SMYD4: variants seen among roughly 807,000 people sequenced by gnomAD.
SMYD4 encodes the protein SET and MYND domain containing 4, also known as protein-lysine N-methyltransferase SMYD4.
SMYD4 carries 68 observed loss-of-function variants against 72.8 expected under a neutral mutation model. The observed-to-expected ratio is 0.93, with a 90% CI of 0.77 to 1.14. SMYD4 has a LOEUF of 1.14. Among genes scored for constraint, SMYD4 ranks in the 50% most tolerant of loss-of-function variants. SMYD4 has a pLI of 0.00. For synonymous variants in SMYD4, 407 were observed against 388.6 expected, an observed-to-expected ratio of 1.05 and a Z score of -0.56; for missense variants, 984 against 1,003.7, an observed-to-expected ratio of 0.98 and a Z score of 0.27.
chr17:1,799,191 A>AG (rs1909568352), intron 5 of SMYD4, among the ~76,000 whole-genome samples: 1 of 148,140 alleles, frequency 6.8e-6, no homozygotes, highest in South Asian at 2.2e-4. Context: ...CCTGGGAGGC[A>AG]GAGCTTGCAG....
At chr17:1,795,747 G>GTTGTTTTTTT (rs1555575984) in intron 5 of SMYD4, among the ~76,000 whole-genome samples, 1 of 128,468 alleles carries the variant, frequency 7.8e-6, no homozygotes, top group Non-Finnish European at 1.6e-5. Context: ...TGGCCCGTGA[G>GTTGTTTTTTT]TTTTTTTTTT....
At chr17:1,820,196 T>C (rs1382850971) in intron 2 of SMYD4, among the ~76,000 whole-genome samples, 1 of 152,192 alleles carries the variant, frequency 6.6e-6, no homozygotes, top group South Asian at 2.1e-4. Flanking sequence ...GGTCAAATTA[T>C]GCTAATATTG....
intron 7 of SMYD4, among the ~76,000 whole-genome samples, chr17:1,785,661 G>C (rs1297147641): frequency 3.3e-5 from 5 of 151,680 alleles, no homozygotes; most frequent in African/African-American, 9.7e-5. Context: ...TGGGGAGGCT[G>C]AGGCAGGAGA....
intron 7 of SMYD4, chr17:1,784,721 C>T (rs1368620502): frequency 3.5e-6 from 1 of 283,262 alleles, no homozygotes; most frequent in African/African-American, 2.3e-5. Context: ...CAATTTCTTT[C>T]CACTTCTATA....
intron 3 of SMYD4, among the ~76,000 whole-genome samples, chr17:1,807,610 G>A (rs1910111575): frequency 6.6e-6 from 1 of 152,072 alleles, no homozygotes; most frequent in Admixed American, 6.6e-5. Context: ...TGATCCACCT[G>A]CCTCAGCCTC....
At chr17:1,816,557 T>C (rs1374771423) in intron 2 of SMYD4, among the ~76,000 whole-genome samples, 1 of 151,292 alleles carries the variant, frequency 6.6e-6, no homozygotes, top group African/African-American at 2.4e-5. Flanking sequence ...GAGGCGGAGG[T>C]TGCAGTGAGC....
At chr17:1,815,953 G>C (rs1213558467) in intron 2 of SMYD4, among the ~76,000 whole-genome samples, 1 of 152,196 alleles carries the variant, frequency 6.6e-6, no homozygotes, top group Non-Finnish European at 1.5e-5. Flanking sequence ...GCCCGCCTTG[G>C]CCTCCCAAAG....
Position 1,783,106 on chromosome 17 carries a change from C to T in SMYD4, c.2190G>A (p.Glu730=). ...CAACACTGGACGGCCCGTGGCGAAC[C>T]TCCACCACGTAGAGACTCCTCTGTA... The part of the protein sequence containing the change: ...THLQRSLYVV[E]VRHGPSSVEM... The change falls in exon 10 of 11, where the codon GAG becomes GAA. Residue 730 remains glutamate (E), a synonymous_variant. Transcript: ENST00000305513. The T allele has an allele frequency of 1.9e-6, 3 of 1,614,210 alleles. No individual in the cohort carries two copies. The highest frequency in any genetic ancestry group is 2.2e-5 in the East Asian group (1 of 44,880).
chr17:1,784,210 A>G, intron 8 of SMYD4, 116 bp downstream of exon 8: 2 of 1,492,376 alleles, frequency 1.3e-6, no homozygotes, highest in Non-Finnish European at 1.8e-6. Context: ...TGTGGCTGGC[A>G]TGGGGATAAT....
chr17:1,788,468 G>A (rs1037005866), intron 5 of SMYD4, among the ~76,000 whole-genome samples: 8 of 151,832 alleles, frequency 5.3e-5, no homozygotes, highest in East Asian at 1.9e-4. Context: ...CATTTTGGCC[G>A]GGCGCGGTGG....
chr17:1,783,927 T>C, intron 8 of SMYD4: 2 of 290,882 alleles, frequency 6.9e-6, no homozygotes, highest in East Asian at 1.6e-4. Flanking sequence ...CACGCCCCAC[T>C]GCTCTCTAGC....
intron 3 of SMYD4, among the ~76,000 whole-genome samples, chr17:1,806,730 T>A (rs1284622660): frequency 6.6e-6 from 1 of 152,102 alleles, no homozygotes; most frequent in African/African-American, 2.4e-5. Flanking sequence ...GTTTCATAAT[T>A]ATGGAGGGCA....
At chr17:1,812,578 TCTCA>T (rs1402878485) in intron 2 of SMYD4, among the ~76,000 whole-genome samples, 2 of 125,128 alleles carry the variant, frequency 1.6e-5, no homozygotes, top group African/African-American at 6.3e-5. Flanking sequence ...TGAGATGGAG[TCTCA>T]CTGTCACCCA....
At chr17:1,781,731 G>C (rs554325891) in intron 10 of SMYD4, 3 of 200,770 alleles carry the variant, frequency 1.5e-5, no homozygotes, top group Non-Finnish European at 2.9e-5. Context: ...GTATTTGTGC[G>C]ACCTCGGCTC....
chr17:1,817,902 C>T lies in SMYD4; in HGVS notation c.135-5787G>A, dbSNP rs183548820. Among the ~76,000 whole-genome samples, 950 of 152,012 alleles carry T rather than the reference C, an allele frequency of 6.2e-3. 1 individual carries two copies. The highest frequency in any genetic ancestry group is 0.01 in the Non-Finnish European group (680 of 67,972). On this transcript the variant is annotated intron_variant, in intron 2 of 10. Coordinates refer to ENST00000305513, the MANE Select transcript of SMYD4 (RefSeq NM_052928.3). The stretch of plus-strand genomic sequence containing the variant: ...CTCTACTAAAAATACAAAAAATTAG[C>T]CAGGCGTGGTGGCGGGTGCCTGTAG...
At chr17:1,805,382 C>T (rs2151239360) in intron 3 of SMYD4, among the ~76,000 whole-genome samples, 1 of 152,218 alleles carries the variant, frequency 6.6e-6, no homozygotes, top group East Asian at 1.9e-4. Context: ...GAGATAGTGC[C>T]TGAGTGACAG....
rs368146874 is a variant in SMYD4 at position 1,781,450 on chromosome 17, G to A, written c.2262-11C>T. ...TCGGGTACTGCAAACCTGAGCCAAG[G>A]GAGGTAAGAGGAGTTAGTTCACTGA... On this transcript the variant is annotated splice_polypyrimidine_tract_variant and intron_variant, in intron 10 of 10. Coordinates refer to ENST00000305513, the MANE Select transcript of SMYD4 (RefSeq NM_052928.3). 8 of 1,610,996 alleles carry A rather than the reference G, an allele frequency of 5.0e-6. No individual in the cohort carries two copies. The African/African-American group carries it at 5.4e-5, about 11-fold the overall frequency.
chr17:1,818,471 T>A (rs1462168050), intron 2 of SMYD4, among the ~76,000 whole-genome samples: 2 of 152,192 alleles, frequency 1.3e-5, no homozygotes, highest in African/African-American at 4.8e-5. Flanking sequence ...TATATTACTA[T>A]AATATCATTA....
At chr17:1,792,008 T>C (rs975847445) in intron 5 of SMYD4, among the ~76,000 whole-genome samples, 3 of 152,048 alleles carry the variant, frequency 2.0e-5, no homozygotes, top group Non-Finnish European at 2.9e-5. Flanking sequence ...CAGGCAGATA[T>C]AACATGTTAT....
Sources: allele counts gnomAD v4.1 joint callset (sites outside exome capture counted in the v4.1 genomes callset), GRCh38; gene constraint gnomAD v4.1.1; transcripts MANE v1.5; gene names NCBI Gene and HGNC (gene_info 2026-07-23, HGNC 2026-07-21).